Variants in ITPR3 observed in about 807,000 individuals in gnomAD.
The protein encoded by ITPR3 is inositol 1,4,5-trisphosphate receptor type 3.
ITPR3 carries 173 observed loss-of-function variants against 293.2 expected under a neutral mutation model. The ratio of observed to expected loss-of-function variants is 0.59; its 90% CI spans 0.52 to 0.67. The LOEUF (loss-of-function observed/expected upper bound fraction) is 0.67, where lower values mean the gene tolerates loss of function less well. Ranked by LOEUF, ITPR3 falls within the 30% of genes least tolerant of loss-of-function variation. The pLI is 0.00. For synonymous variants in ITPR3, 1,295 were observed against 1,444.4 expected (o/e 0.90, Z 2.35); for missense variants, 2,796 against 3,592.1 (o/e 0.78, Z 5.66).
At chr6:33,652,100 A>G (rs978546633) in intron 2 of ITPR3, among the ~76,000 whole-genome samples, 2 of 151,486 alleles carry the variant, frequency 1.3e-5, no homozygotes, top group Admixed American at 6.6e-5. Flanking sequence ...TCAGCTCAGC[A>G]CCTCCCTTGC....
At chr6:33,688,845 G>T in intron 49 of ITPR3, 64 bp downstream of exon 49, 1 of 1,609,510 alleles carries the variant, frequency 6.2e-7, no homozygotes. Context: ...CTGGGTTGGG[G>T]CAGAGCCTTG....
Position 33,621,830 on chromosome 6 carries a change from C to A in ITPR3, c.89+139C>A. The A allele has an allele frequency of 1.5e-6, 1 of 655,854 alleles. No individual in the cohort carries two copies. The allele number at this position is 655,854 out of a possible 1,614,324, so 40.6% of individuals were successfully genotyped here. On this transcript the variant is annotated intron_variant, in intron 1 of 57. Transcript: ENST00000605930. The surrounding 1 kb of genome is among the most constrained non-coding windows in gnomAD (Gnocchi z 7.7). ...GTCTCAAGGAGCGGGAACGGCTCGC[C>A]TCCTTCTTTTACAGAAAGGAAGTGA...
intron 2 of ITPR3, among the ~76,000 whole-genome samples, chr6:33,641,723 C>G (rs1301814298): frequency 6.6e-6 from 1 of 152,082 alleles, no homozygotes; most frequent in Non-Finnish European, 1.5e-5. Flanking sequence ...CCTGCCATTC[C>G]TCACAGTCAC....
At chr6:33,651,328 C>A (rs924198205) in intron 2 of ITPR3, among the ~76,000 whole-genome samples, 8 of 151,372 alleles carry the variant, frequency 5.3e-5, no homozygotes, top group Admixed American at 1.3e-4. Flanking sequence ...GATGAAGGTA[C>A]CTTCCTCCAG....
In ITPR3 at chr6:33,683,245, G is replaced by A; in HGVS notation, c.4636G>A (p.Ala1546Thr). The A allele has an allele frequency of 6.4e-7, 1 of 1,558,434 alleles. No homozygotes were observed. Among genetic ancestry groups the A allele is most frequent in the Non-Finnish European group, 8.7e-7 (1 of 1,149,376 alleles). Residue 1546 changes from alanine (A) to threonine (T), a missense_variant, in exon 35 of 58, where the codon GCC becomes ACC. Ala to Thr is a moderately conservative substitution (Grantham distance 58). Around this residue, in one of 8 missense-constraint regions of ITPR3, gnomAD observed 704 missense variants for 797.5 expected, o/e 0.88. Transcript: ENST00000605930. The surrounding 1 kb of genome is among the most constrained non-coding windows in gnomAD (Gnocchi z 4.5). ...RAILLPMDLD[A>T]HISSMLSSGA... Reference sequence around the variant, plus strand: ...CATCTTGCTGCCCATGGACCTGGATGCCCACATCAGCTCGATGCTCAGCAG... The same window carrying A: ...CATCTTGCTGCCCATGGACCTGGATACCCACATCAGCTCGATGCTCAGCAG...
At chr6:33,628,819 T>C (rs1322328997) in intron 1 of ITPR3, among the ~76,000 whole-genome samples, 5 of 152,164 alleles carry the variant, frequency 3.3e-5, no homozygotes, top group Admixed American at 2.6e-4. Context: ...CAGACACCTG[T>C]GCATATTTGG....
At position 33,636,961 on chromosome 6, in the gene ITPR3, C is replaced by T. The variant is rs554735086; in HGVS notation, c.90-3523C>T. On this transcript the variant is annotated intron_variant, in intron 1 of 57. Coordinates refer to ENST00000605930, the MANE Select transcript of ITPR3 (RefSeq NM_002224.4). ...GTCCTGCACAGCGCCTGCTCTGACG[C>T]CGGGCTGCCTGGCTTCAAAACCTGG... 3.9e-5 allele frequency among the ~76,000 whole-genome samples: 6 copies of T among 152,308 alleles called. No individual in the cohort carries two copies. The East Asian group carries it at 1.2e-3, about 29-fold the overall frequency.
At position 33,688,751 on chromosome 6, in the gene ITPR3, T is replaced by G; in HGVS notation, c.6664T>G (p.Phe2222Val). The change falls in exon 49 of 58, where the codon TTC (phenylalanine) becomes GTC (valine). Residue 2222 changes from phenylalanine to valine, a missense_variant. This residue lies in a region of ITPR3 where 568 missense variants were observed against 796.1 expected (regional missense o/e 0.71). Coordinates refer to ENST00000605930, the MANE Select transcript of ITPR3 (RefSeq NM_002224.4). ...GTTTATCAACATCATCATTGCCTTCTTCTACCCTTACATGGAGGGCGCGTC... is the reference window on the plus strand; with the variant it reads ...GTTTATCAACATCATCATTGCCTTCGTCTACCCTTACATGGAGGGCGCGTC... ...AVFINIIIAF[F>V]YPYMEGASTG... 1 of 1,614,208 alleles carries G rather than the reference T, an allele frequency of 6.2e-7. No individual in the cohort carries two copies. The highest frequency in any genetic ancestry group is 1.6e-4 in the Middle Eastern group (1 of 6,062).
In ITPR3 at chr6:33,693,530, C is replaced by T; in HGVS notation, c.7625-15C>T. 6.2e-7 allele frequency: 1 copy of T among 1,613,282 alleles called. No individual in the cohort carries two copies. Among genetic ancestry groups the T allele is most frequent in the Non-Finnish European group, 8.5e-7 (1 of 1,179,496 alleles). The stretch of plus-strand genomic sequence containing the variant: ...TGAAGGCTGATGGTTTCATTCCCGC[C>T]CTCTGCACCCTCAGGTCTGGAGAGG... On this transcript the variant is annotated splice_polypyrimidine_tract_variant and intron_variant, in intron 55 of 57. Transcript: ENST00000605930.
intron 2 of ITPR3, among the ~76,000 whole-genome samples, chr6:33,642,988 T>C (rs989525317): frequency 6.6e-6 from 1 of 152,242 alleles, no homozygotes; most frequent in African/African-American, 2.4e-5. Flanking sequence ...CGAGTACAAG[T>C]TGGGGCATTA....
rs1765222170 is a variant in ITPR3 at position 33,686,103 on chromosome 6, G to A, written c.5718G>A (p.Glu1906=). ...NNKTNYNLVC[E]TLQFLDIMCG... ...AAACCAACTACAACTTGGTATGCGA[G>A]ACGCTGCAGTTCCTGGACATCATGT... Residue 1906 remains glutamate (E), a synonymous_variant, in exon 42 of 58, where the codon GAG becomes GAA. Coordinates refer to ENST00000605930, the MANE Select transcript of ITPR3 (RefSeq NM_002224.4). The A allele has an allele frequency of 1.2e-6, 2 of 1,614,222 alleles. No homozygotes were observed. The highest frequency in any genetic ancestry group is 2.2e-5 in the South Asian group (2 of 91,090).
At position 33,670,872 on chromosome 6, in the gene ITPR3, C is replaced by A; in HGVS notation, c.2586+57C>A. Reference sequence around the variant, plus strand: ...CCGTGGAGCTCTTGTTGGCCCCACACTGGCCTCGGTCTTCACCCAGGAGTC... The same window carrying A: ...CCGTGGAGCTCTTGTTGGCCCCACAATGGCCTCGGTCTTCACCCAGGAGTC... On this transcript the variant is annotated intron_variant, in intron 20 of 57. Transcript: ENST00000605930. This position sits in a 1 kb window ranked among gnomAD's most constrained non-coding sequence, Gnocchi z 6.7. The A allele has an allele frequency of 6.3e-7, 1 of 1,586,436 alleles. No individual in the cohort carries two copies.
chr6:33,678,313 C>A, intron 28 of ITPR3, 108 bp from the exon 29 acceptor site: 2 of 1,462,236 alleles, frequency 1.4e-6, no homozygotes, highest in Non-Finnish European at 1.9e-6. Context: ...GGCCTCTTCA[C>A]GGTCCCAGTC....
Position 33,670,557 on chromosome 6 carries a change from A to C in ITPR3, c.2422A>C (p.Thr808Pro), listed in dbSNP as rs560587779. 1 of 1,542,146 alleles carries C rather than the reference A, an allele frequency of 6.5e-7. No homozygotes were observed. Among genetic ancestry groups the C allele is most frequent in the South Asian group, 1.1e-5 (1 of 89,984 alleles). Residue 808 changes from threonine (T) to proline (P), a missense_variant, in exon 19 of 58, where the codon ACA (threonine) becomes CCA (proline). Thr to Pro is a conservative substitution (Grantham distance 38, BLOSUM62 -1). This residue lies in a region of ITPR3 where 955 missense variants were observed against 1,180.8 expected (regional missense o/e 0.81). Transcript: ENST00000605930. This position sits in a 1 kb window ranked among gnomAD's most constrained non-coding sequence, Gnocchi z 6.7. ...KFARLWTEIPTAITIKDYDSN... is the reference protein window; with the variant it reads ...KFARLWTEIPPAITIKDYDSN... ...TGCCCGTCTCTGGACTGAGATCCCC[A>C]CAGCCATCACCATCAAGGAGTGAGA...
rs1370901416 is a variant in ITPR3, at chr6:33,633,036, T to C, written c.90-7448T>C. On this transcript the variant is annotated intron_variant, in intron 1 of 57. Coordinates refer to ENST00000605930, the MANE Select transcript of ITPR3 (RefSeq NM_002224.4). This position sits in a 1 kb window ranked among gnomAD's most constrained non-coding sequence, Gnocchi z 5.2. ...GGACTGTGGTAAGAACACAATGAGA[T>C]ACTGGATGTAAAAACGATTGATAAA... Among the ~76,000 whole-genome samples the C allele has an allele frequency of 6.6e-6, 1 of 152,210 alleles. No individual in the cohort carries two copies. Among genetic ancestry groups the C allele is most frequent in the African/African-American group, 2.4e-5 (1 of 41,456 alleles).
intron 1 of ITPR3, among the ~76,000 whole-genome samples, chr6:33,635,865 C>A (rs1392553807): frequency 2.6e-5 from 4 of 151,586 alleles, no homozygotes; most frequent in African/African-American, 9.7e-5. Flanking sequence ...GGAGGAGATG[C>A]GATCAGAGAT....
chr6:33,667,049 A>T lies in ITPR3; in HGVS notation c.1552-80A>T. 4.0e-6 allele frequency: 6 copies of T among 1,513,248 alleles called. No individual in the cohort carries two copies. The highest frequency in any genetic ancestry group is 5.4e-6 in the Non-Finnish European group (6 of 1,112,206). The allele number at this position is 1,513,248 out of a possible 1,614,324, so 93.7% of individuals were successfully genotyped here. On this transcript the variant is annotated intron_variant, in intron 14 of 57. Transcript: ENST00000605930. This position sits in a 1 kb window ranked among gnomAD's most constrained non-coding sequence, Gnocchi z 4.4. ...TGGCTTTAGGGCAGAGTCAGTTGGGACTCAGGGATGACTCCTGGGATGACT... is the reference window on the plus strand; with the variant it reads ...TGGCTTTAGGGCAGAGTCAGTTGGGTCTCAGGGATGACTCCTGGGATGACT...
Position 33,675,943 on chromosome 6 carries a change from C to A in ITPR3, c.3282+87C>A. On this transcript the variant is annotated intron_variant, in intron 25 of 57. Transcript: ENST00000605930. This position sits in a 1 kb window ranked among gnomAD's most constrained non-coding sequence, Gnocchi z 5.0. ...TAAACGATGATTGAGGAGCTCACAG[C>A]TCAAGGGGTAACTTGGGATGCCCAT... 1.4e-6 allele frequency: 2 copies of A among 1,405,526 alleles called. No homozygotes were observed. The highest frequency in any genetic ancestry group is 1.9e-6 in the Non-Finnish European group (2 of 1,061,228). 87.1% of individuals were successfully genotyped at this position (1,405,526 alleles called of 1,614,324 possible). A position where few individuals can be genotyped will look rare whatever the true frequency, so the allele number is the denominator to read the frequency against.
At position 33,684,483 on chromosome 6, in the gene ITPR3, G is replaced by T. The variant is rs371524943; in HGVS notation, c.5046+18G>T. 4 of 1,611,576 alleles carry T rather than the reference G, an allele frequency of 2.5e-6. No individual in the cohort carries two copies. The African/African-American group carries it at 5.3e-5, about 22-fold the overall frequency. Reference sequence around the variant, plus strand: ...GGGACCGGGTGAGTGCCCTGGTGGGGCAAGTGCTGGGTGGGCCAGTCAGGA... The same window carrying T: ...GGGACCGGGTGAGTGCCCTGGTGGGTCAAGTGCTGGGTGGGCCAGTCAGGA... On this transcript the variant is annotated intron_variant, in intron 37 of 57. Coordinates refer to ENST00000605930, the MANE Select transcript of ITPR3 (RefSeq NM_002224.4). The surrounding 1 kb of genome is among the most constrained non-coding windows in gnomAD (Gnocchi z 4.2).
Sources: allele counts gnomAD v4.1 joint callset (sites outside exome capture counted in the v4.1 genomes callset), GRCh38; gene constraint gnomAD v4.1.1; regional missense constraint gnomAD v4.1.1; non-coding constraint Gnocchi (gnomAD v3.1); transcripts MANE v1.5; gene names NCBI Gene and HGNC (gene_info 2026-07-23, HGNC 2026-07-21).